The following PIEZO2 variants were observed in gnomAD, a reference collection of about 807,000 sequenced individuals.
PIEZO2 encodes the protein piezo type mechanosensitive ion channel component 2.
PIEZO2 carries 172 observed loss-of-function variants against 337.3 expected under a neutral mutation model. That is an observed-to-expected ratio of 0.51 (90% CI 0.45 to 0.58). PIEZO2 has a LOEUF of 0.58. PIEZO2 is among the 20% of genes least tolerant of loss of function. The pLI, the probability that PIEZO2 is intolerant of heterozygous loss-of-function variation, is 0.00. For synonymous variants in PIEZO2, 1,251 were observed against 1,228.5 expected (o/e 1.02, Z -0.38); for missense variants, 3,028 against 3,391.3 (o/e 0.89, Z 2.66).
intron 2 of PIEZO2, among the ~76,000 whole-genome samples, chr18:11,005,063 C>T (rs945659514): frequency 3.9e-5 from 6 of 152,220 alleles, no homozygotes; most frequent in Non-Finnish European, 8.8e-5. Flanking sequence ...CAAGAACATT[C>T]CACTTCAAGC....
intron 33 of PIEZO2, 82 bp from the exon 34 acceptor site, chr18:10,736,792 A>G: frequency 7.0e-7 from 1 of 1,418,538 alleles, no homozygotes; most frequent in South Asian, 1.3e-5. Context: ...TCCCCTAAAG[A>G]TACACAAATT....
In PIEZO2 at chr18:11,033,239, A is replaced by C. The variant is rs552605397; in HGVS notation, c.160+32888T>G. Among the ~76,000 whole-genome samples the C allele has an allele frequency of 3.9e-5, 6 of 152,330 alleles. No homozygotes were observed. The South Asian group carries it at 1.2e-3, about 32-fold the overall frequency. ...CTAAGACTGAGAGGCAAAGTGACTTACCTAAAGCCCTAAGGCTGGCCTATG... is the reference window on the plus strand; with the variant it reads ...CTAAGACTGAGAGGCAAAGTGACTTCCCTAAAGCCCTAAGGCTGGCCTATG... On this transcript the variant is annotated intron_variant, in intron 2 of 55. Transcript: ENST00000674853. This position sits in a 1 kb window ranked among gnomAD's most constrained non-coding sequence, Gnocchi z 4.2.
At chr18:11,118,670 C>T (rs1170312442) in intron 1 of PIEZO2, among the ~76,000 whole-genome samples, 1 of 151,848 alleles carries the variant, frequency 6.6e-6, no homozygotes, top group Admixed American at 6.6e-5. Flanking sequence ...GTCACTGATA[C>T]AAAGATTGGG....
At chr18:10,827,524 C>T (rs1009455995) in intron 7 of PIEZO2, among the ~76,000 whole-genome samples, 3 of 152,130 alleles carry the variant, frequency 2.0e-5, no homozygotes, top group African/African-American at 7.2e-5. Context: ...TCTGCTCCCC[C>T]TGCCTTTATG....
chr18:10,825,303 A>T lies in PIEZO2; in HGVS notation c.918-18029T>A, dbSNP rs184457498. ...ATGAGCTTCACAGTTCTGAGTTCTC[A>T]TCAGGTATTCTGTGGAATGCCCCTT... is the stretch of plus-strand genomic sequence containing the variant. On this transcript the variant is annotated intron_variant, in intron 7 of 55. Coordinates refer to ENST00000674853, the MANE Select transcript of PIEZO2 (RefSeq NM_001378183.1). 3.0e-4 allele frequency among the ~76,000 whole-genome samples: 46 copies of T among 152,302 alleles called. 1 individual carries two copies. In the East Asian group the frequency reaches 8.7e-3, roughly 29 times the overall value.
In PIEZO2 at chr18:11,035,061, T is replaced by C. The variant is rs965438904; in HGVS notation, c.160+31066A>G. On this transcript the variant is annotated intron_variant, in intron 2 of 55. Coordinates refer to ENST00000674853, the MANE Select transcript of PIEZO2 (RefSeq NM_001378183.1). The surrounding 1 kb of genome is among the most constrained non-coding windows in gnomAD (Gnocchi z 4.3). ...GAAGCAACCCCAGTTCCCAAATGCA[T>C]GGCAAGCTCATTCACTTTCGAAATC... 3.3e-5 allele frequency among the ~76,000 whole-genome samples: 5 copies of C among 152,166 alleles called. No individual in the cohort carries two copies. The East Asian group carries it at 7.7e-4, about 23-fold the overall frequency.
In PIEZO2 at chr18:10,677,552, G is replaced by A. The variant is rs2034066829; in HGVS notation, c.8081+195C>T. ...ATTTGGAACATAGACATAACCCTGG[G>A]GACAGTGGACAGAAAACTCCATAGC... On this transcript the variant is annotated intron_variant, in intron 53 of 55. Transcript: ENST00000674853. The surrounding 1 kb of genome is among the most constrained non-coding windows in gnomAD (Gnocchi z 4.1). The A allele has an allele frequency of 1.8e-6, 1 of 557,170 alleles. No individual in the cohort carries two copies. 34.5% of individuals were successfully genotyped at this position (557,170 alleles called of 1,614,324 possible). A position where few individuals can be genotyped will look rare whatever the true frequency, so the allele number is the denominator to read the frequency against.
chr18:10,810,346 C>T (rs2040150872), intron 7 of PIEZO2, among the ~76,000 whole-genome samples: 1 of 152,180 alleles, frequency 6.6e-6, no homozygotes. Context: ...CCTGGTCTGT[C>T]TGCATTGCTG....
At chr18:11,060,454 C>A (rs1027992500) in intron 2 of PIEZO2, among the ~76,000 whole-genome samples, 8 of 152,072 alleles carry the variant, frequency 5.3e-5, no homozygotes, top group South Asian at 2.1e-4. Context: ...TTCAAAAAAT[C>A]AATGAATCCA....
At chr18:10,881,999 T>C (rs1190024730) in intron 4 of PIEZO2, among the ~76,000 whole-genome samples, 1 of 152,226 alleles carries the variant, frequency 6.6e-6, no homozygotes, top group Non-Finnish European at 1.5e-5. Flanking sequence ...AGATCTCTGC[T>C]GATGCAGTTT....
At chr18:10,708,754 A>G (rs1352899702) in intron 39 of PIEZO2, among the ~76,000 whole-genome samples, 1 of 152,246 alleles carries the variant, frequency 6.6e-6, no homozygotes, top group Non-Finnish European at 1.5e-5. Flanking sequence ...AATTTATGTA[A>G]TTATAACTTC....
intron 1 of PIEZO2, among the ~76,000 whole-genome samples, chr18:11,115,108 T>G (rs902943020): frequency 2.6e-5 from 4 of 152,226 alleles, no homozygotes; most frequent in Non-Finnish European, 4.4e-5. Flanking sequence ...GCTTCAAAGT[T>G]TATGGTACAT....
At chr18:10,698,052 C>T (rs2143703179) in intron 44 of PIEZO2, among the ~76,000 whole-genome samples, 172 bp from the exon 45 acceptor site, 1 of 96,816 alleles carries the variant, frequency 1.0e-5, no homozygotes, top group Non-Finnish European at 2.1e-5. Context: ...CCATCGCAGG[C>T]CTGTGGGGTT....
chr18:10,816,608 C>G lies in PIEZO2; in HGVS notation c.918-9334G>C, dbSNP rs7229013. On this transcript the variant is annotated intron_variant, in intron 7 of 55. Transcript: ENST00000674853. Reference sequence around the variant, plus strand: ...AACAATAGGGGCAACACCTAAATACCCAATAAAAATCTATAGATTTTCTCC... The same window carrying G: ...AACAATAGGGGCAACACCTAAATACGCAATAAAAATCTATAGATTTTCTCC... Among the ~76,000 whole-genome samples the G allele has an allele frequency of 3.0e-3, 453 of 151,994 alleles. 2 individuals carry two copies. The highest frequency in any genetic ancestry group is 0.01 in the African/African-American group (430 of 41,464).
At chr18:10,720,405 ATGTG>A (rs1223193384) in intron 36 of PIEZO2, among the ~76,000 whole-genome samples, 1 of 11,602 alleles carries the variant, frequency 8.6e-5, no homozygotes, top group Non-Finnish European at 1.5e-4. Context: ...GTGTGTGTGT[ATGTG>A]TATGTGTATG....
chr18:10,802,390 G>C (rs2039854281), intron 9 of PIEZO2, among the ~76,000 whole-genome samples: 1 of 152,068 alleles, frequency 6.6e-6, no homozygotes, highest in Non-Finnish European at 1.5e-5. Context: ...CGAGAAATTA[G>C]ACCAGGTAGT....
Position 11,128,137 on chromosome 18 carries a change from G to C in PIEZO2, c.64+20388C>G, listed in dbSNP as rs1290492835. ...TACCTAATACCTTTAACCATATGTG[G>C]AGAACCAAGGAACGTAATAAAGCTG... On this transcript the variant is annotated intron_variant, in intron 1 of 55. Transcript: ENST00000674853. This position sits in a 1 kb window ranked among gnomAD's most constrained non-coding sequence, Gnocchi z 4.1. Among the ~76,000 whole-genome samples, 2 of 152,060 alleles carry C rather than the reference G, an allele frequency of 1.3e-5. No individual in the cohort carries two copies. The highest frequency in any genetic ancestry group is 2.9e-5 in the Non-Finnish European group (2 of 68,020).
Position 11,143,631 on chromosome 18 carries a change from A to ACTCTCTCTCTCT in PIEZO2, c.64+4893_64+4894insAGAGAGAGAGAG, listed in dbSNP as rs2040724694. 1.6e-5 allele frequency among the ~76,000 whole-genome samples: 1 copy of ACTCTCTCTCTCT among 63,876 alleles called. No homozygotes were observed. The highest frequency in any genetic ancestry group is 8.7e-5 in the African/African-American group (1 of 11,464). The allele number at this position is 63,876 out of a possible 152,430, so 41.9% of individuals were successfully genotyped here. A position where few individuals can be genotyped will look rare whatever the true frequency, so the allele number is the denominator to read the frequency against. On this transcript the variant is annotated intron_variant, in intron 1 of 55. Coordinates refer to ENST00000674853, the MANE Select transcript of PIEZO2 (RefSeq NM_001378183.1). This position sits in a 1 kb window ranked among gnomAD's most constrained non-coding sequence, Gnocchi z 4.9. ...CACACACACACACACACACACACAC[A>ACTCTCTCTCTCT]CACACACACTCTCTCTCTCTCTCTC...
rs953152732 is a variant in PIEZO2, at chr18:11,002,478, C to T, written c.161-22818G>A. 1.3e-5 allele frequency among the ~76,000 whole-genome samples: 2 copies of T among 152,164 alleles called. No homozygotes were observed. Among genetic ancestry groups the T allele is most frequent in the African/African-American group, 4.8e-5 (2 of 41,426 alleles). On this transcript the variant is annotated intron_variant, in intron 2 of 55. Coordinates refer to ENST00000674853, the MANE Select transcript of PIEZO2 (RefSeq NM_001378183.1). This position sits in a 1 kb window ranked among gnomAD's most constrained non-coding sequence, Gnocchi z 4.3. ...GGAACAAACAAAGCACAGTGTTGAC[C>T]CATTTGCAACACATCGTAAACACCA...
Sources: gnomAD v4.1 joint callset for allele counts (sites outside exome capture counted in the v4.1 genomes callset) on GRCh38, gnomAD v4.1.1 for gene constraint, Gnocchi (gnomAD v3.1) non-coding constraint, MANE v1.5 for transcripts, NCBI Gene and HGNC (gene_info 2026-07-23, HGNC 2026-07-21) for gene names.